SBF2: variants seen among roughly 807,000 people sequenced by gnomAD.
SBF2 encodes SET binding factor 2, also known as myotubularin-related protein 13.
SBF2 carries 112 observed loss-of-function variants against 225.2 expected under a neutral mutation model. The observed-to-expected ratio is 0.50, with a 90% CI of 0.43 to 0.58. The LOEUF (loss-of-function observed/expected upper bound fraction) is 0.58, where lower values mean the gene tolerates loss of function less well. Ranked by LOEUF, SBF2 falls within the 20% of genes least tolerant of loss-of-function variation. SBF2 has a pLI of 0.00. For synonymous variants in SBF2, 763 were observed against 773.3 expected (o/e 0.99, Z 0.22); for missense variants, 1,996 against 2,206.2 (o/e 0.90, Z 1.91).
chr11:9,880,877 A>G (rs1351024775), intron 17 of SBF2, among the ~76,000 whole-genome samples: 1 of 152,216 alleles, frequency 6.6e-6, no homozygotes, highest in Non-Finnish European at 1.5e-5. Context: ...CCCTGTCAGC[A>G]TTTTAATCAA....
chr11:10,071,729 C>T (rs1481102914), intron 2 of SBF2, among the ~76,000 whole-genome samples: 3 of 152,110 alleles, frequency 2.0e-5, no homozygotes, highest in African/African-American at 7.2e-5. Context: ...TTGCTGAAGG[C>T]CTTTTTTGCA....
At chr11:10,260,805 C>T (rs957024123) in intron 1 of SBF2, among the ~76,000 whole-genome samples, 10 of 150,352 alleles carry the variant, frequency 6.7e-5, no homozygotes, top group Non-Finnish European at 1.5e-4. Flanking sequence ...TGCTTGAGCC[C>T]AGGAGTCTGA....
rs147279895 is a variant in SBF2 at position 9,836,181 on chromosome 11, T to C, written c.3455+3317A>G. On this transcript the variant is annotated intron_variant, in intron 26 of 39. Coordinates refer to ENST00000256190, the MANE Select transcript of SBF2 (RefSeq NM_030962.4). ...TGTTTTTCCTATCCCAAGAAATCTT[T>C]CCCTATACCTCAAGGTCATGGAGAC... Among the ~76,000 whole-genome samples the C allele has an allele frequency of 3.3e-3, 504 of 152,304 alleles. 3 individuals carry two copies. Among genetic ancestry groups the C allele is most frequent in the South Asian group, 5.2e-3 (25 of 4,832 alleles).
rs182780882 is a variant in SBF2 at position 10,031,292 on chromosome 11, T to A, written c.280-122A>T. The A allele has an allele frequency of 4.5e-3, 4,233 of 948,514 alleles. 17 individuals are homozygous for A. Among genetic ancestry groups the A allele is most frequent in the Middle Eastern group, 7.8e-3 (25 of 3,214 alleles). 58.8% of individuals were successfully genotyped at this position (948,514 alleles called of 1,614,324 possible). A position where few individuals can be genotyped will look rare whatever the true frequency, so the allele number is the denominator to read the frequency against. ...TTCAAAATTAATTATAATATAATTT[T>A]AAAAATCAAACTACAAATAAAGAAT... On this transcript the variant is annotated intron_variant, in intron 3 of 39. Transcript: ENST00000256190.
chr11:9,967,371 CA>C (rs35271700), intron 14 of SBF2, among the ~76,000 whole-genome samples: 44,271 of 103,558 alleles, frequency 0.43, 6,060 homozygotes, highest in Non-Finnish European at 0.47. Context: ...GACTCCGTCT[CA>C]AAAAAAAAAA....
At chr11:10,286,166 G>GCGCGCGCACACACACACACACA (rs373771420) in intron 1 of SBF2, among the ~76,000 whole-genome samples, 5 of 147,238 alleles carry the variant, frequency 3.4e-5, no homozygotes, top group African/African-American at 1.0e-4. Context: ...ACACGCACAC[G>GCGCGCGCACACACACACACACA]CACACACACA....
intron 33 of SBF2, among the ~76,000 whole-genome samples, chr11:9,791,635 T>C (rs773934569): frequency 5.3e-5 from 8 of 152,208 alleles, no homozygotes; most frequent in African/African-American, 1.9e-4. Context: ...TCAGAATCTC[T>C]GGGGATGGCC....
chr11:10,260,439 G>T (rs764244753), intron 1 of SBF2, among the ~76,000 whole-genome samples: 1 of 151,876 alleles, frequency 6.6e-6, no homozygotes, highest in Admixed American at 6.6e-5. Flanking sequence ...TTTACAGGTC[G>T]GGCACGGTGG....
At chr11:10,104,201 T>C (rs1383008282) in intron 2 of SBF2, among the ~76,000 whole-genome samples, 2 of 152,184 alleles carry the variant, frequency 1.3e-5, no homozygotes, top group Admixed American at 6.5e-5. Flanking sequence ...ATACTTTGTA[T>C]GGTATCTCTT....
At chr11:10,288,910 C>G (rs1376398293) in intron 1 of SBF2, among the ~76,000 whole-genome samples, 4 of 152,168 alleles carry the variant, frequency 2.6e-5, no homozygotes, top group African/African-American at 9.7e-5. Context: ...GGCAGCTGGG[C>G]CCCCAGTCTT....
intron 2 of SBF2, among the ~76,000 whole-genome samples, chr11:10,063,856 CACAG>C (rs965961171): frequency 4.0e-5 from 5 of 125,600 alleles, no homozygotes; most frequent in Admixed American, 2.5e-4. Context: ...CACACACACA[CACAG>C]AGAGAGAGAG....
chr11:10,222,009 CTG>C (rs991812779), intron 1 of SBF2, among the ~76,000 whole-genome samples: 8 of 152,198 alleles, frequency 5.3e-5, no homozygotes, highest in Non-Finnish European at 8.8e-5. Context: ...GTTACAAACT[CTG>C]TACAAATTTC....
At chr11:9,891,136 CAA>C (rs1327706620) in intron 17 of SBF2, among the ~76,000 whole-genome samples, 12 of 128,916 alleles carry the variant, frequency 9.3e-5, no homozygotes, top group Non-Finnish European at 8.4e-5. Flanking sequence ...AACTCCATCT[CAA>C]AAAAAAAAAA....
intron 1 of SBF2, among the ~76,000 whole-genome samples, chr11:10,232,561 AT>A (rs5789629): frequency 0.29 from 40,478 of 141,158 alleles, 5,328 homozygotes; most frequent in Non-Finnish European, 0.35. Flanking sequence ...TTTTGTCTTA[AT>A]TTTTTTTTTT....
At chr11:10,210,090 G>C (rs1402725985) in intron 1 of SBF2, among the ~76,000 whole-genome samples, 1 of 152,140 alleles carries the variant, frequency 6.6e-6, no homozygotes, top group Non-Finnish European at 1.5e-5. Context: ...AGGATCACTT[G>C]AGCCCAGGAG....
At chr11:9,951,341 A>AC (rs981486369) in intron 16 of SBF2, among the ~76,000 whole-genome samples, 4 of 152,194 alleles carry the variant, frequency 2.6e-5, no homozygotes, top group Admixed American at 6.5e-5. Context: ...TACGAGTATC[A>AC]CTTTGGGGAA....
chr11:9,801,921 A>C (rs1051816789), intron 32 of SBF2, among the ~76,000 whole-genome samples: 1 of 152,262 alleles, frequency 6.6e-6, no homozygotes, highest in Non-Finnish European at 1.5e-5. Context: ...AAAGGCAAAT[A>C]GCTTTTTTCT....
intron 13 of SBF2, among the ~76,000 whole-genome samples, chr11:9,987,336 T>C (rs188893106): frequency 7.8e-4 from 118 of 152,204 alleles, no homozygotes; most frequent in African/African-American, 2.7e-3. Context: ...TTGGGAAAAG[T>C]TGAAAGCATT....
At chr11:9,975,191 T>C (rs551111983) in intron 13 of SBF2, among the ~76,000 whole-genome samples, 3 of 152,224 alleles carry the variant, frequency 2.0e-5, no homozygotes, top group Admixed American at 6.5e-5. Flanking sequence ...TGAAAACTTA[T>C]ATTTATACAA....
Sources: gnomAD v4.1 joint callset for allele counts (sites outside exome capture counted in the v4.1 genomes callset) on GRCh38, gnomAD v4.1.1 for gene constraint, MANE v1.5 for transcripts, NCBI Gene and HGNC (gene_info 2026-07-23, HGNC 2026-07-21) for gene names.